The following EML6 variants were observed in gnomAD, a reference collection of about 807,000 sequenced individuals.
EML6 encodes echinoderm microtubule-associated protein-like 6.
Under a neutral mutation model 240.1 loss-of-function variants are expected in EML6, and 154 were observed. The observed-to-expected ratio is 0.64, with a 90% CI of 0.56 to 0.73. The LOEUF (loss-of-function observed/expected upper bound fraction) is 0.73. Among genes scored for constraint, EML6 ranks in the 30% least tolerant of loss-of-function variants. The pLI is 0.00. For missense variants in EML6, 2,964 were observed against 2,474.6 expected (o/e 1.20, Z -4.20); for synonymous variants, 1,148 against 899.0 (o/e 1.28, Z -4.95).
At chr2:54,950,243 C>T (rs547194178) in intron 29 of EML6, among the ~76,000 whole-genome samples, 5 of 152,200 alleles carry the variant, frequency 3.3e-5, no homozygotes, top group African/African-American at 9.7e-5. Flanking sequence ...CTCTACCCAC[C>T]CTGGTCACAT....
chr2:54,777,849 G>A (rs755702839), intron 2 of EML6, among the ~76,000 whole-genome samples: 14 of 152,156 alleles, frequency 9.2e-5, no homozygotes, highest in Non-Finnish European at 2.1e-4. Flanking sequence ...TTGAGAATAT[G>A]ATTTATTTAT....
intron 28 of EML6, among the ~76,000 whole-genome samples, chr2:54,941,896 C>T (rs1258277550): frequency 6.6e-6 from 1 of 152,230 alleles, no homozygotes; most frequent in Admixed American, 6.5e-5. Flanking sequence ...AAATGCAAGA[C>T]TCCTGTTCTT....
At chr2:54,848,685 T>A (rs1298159131) in intron 9 of EML6, among the ~76,000 whole-genome samples, 2 of 152,210 alleles carry the variant, frequency 1.3e-5, no homozygotes, top group Admixed American at 6.5e-5. Context: ...TTGGAGTTGA[T>A]GAAGCCATCT....
At chr2:54,911,490 C>A (rs1673635677) in intron 25 of EML6, among the ~76,000 whole-genome samples, 1 of 150,170 alleles carries the variant, frequency 6.7e-6, no homozygotes, top group South Asian at 2.1e-4. Context: ...AGTGCAGGGG[C>A]ACCATCTTGG....
At chr2:54,920,221 G>C (rs1674150948) in intron 26 of EML6, among the ~76,000 whole-genome samples, 1 of 151,914 alleles carries the variant, frequency 6.6e-6, no homozygotes, top group Non-Finnish European at 1.5e-5. Context: ...GAATAGAAAA[G>C]ACCAATGAAA....
intron 28 of EML6, among the ~76,000 whole-genome samples, chr2:54,931,899 C>G (rs910907326): frequency 6.6e-6 from 1 of 152,172 alleles, no homozygotes; most frequent in Admixed American, 6.5e-5. Context: ...AGAAAAATGC[C>G]TTGAAGGTAG....
At chr2:54,934,288 C>G (rs568304391) in intron 28 of EML6, among the ~76,000 whole-genome samples, 1 of 152,158 alleles carries the variant, frequency 6.6e-6, no homozygotes, top group East Asian at 1.9e-4. Flanking sequence ...CAGTGATGCC[C>G]CTGTATTTTG....
At chr2:54,891,499 G>C (rs530184380) in intron 18 of EML6, among the ~76,000 whole-genome samples, 9 of 152,218 alleles carry the variant, frequency 5.9e-5, no homozygotes, top group South Asian at 4.1e-4. Flanking sequence ...TTATCTATTT[G>C]GATGGTTCCT....
chr2:54,733,775 T>A (rs965318781), intron 2 of EML6, among the ~76,000 whole-genome samples: 2 of 152,154 alleles, frequency 1.3e-5, no homozygotes, highest in African/African-American at 2.4e-5. Context: ...TGCTCTATCA[T>A]GGGTCAGAAT....
At chr2:54,908,211 CTTT>C (rs111418579) in intron 24 of EML6, among the ~76,000 whole-genome samples, 3 of 141,284 alleles carry the variant, frequency 2.1e-5, no homozygotes, top group Non-Finnish European at 3.1e-5. Context: ...CCAGCTTAAA[CTTT>C]TTTTTTTTTT....
chr2:54,830,200 C>T (rs746899164), intron 7 of EML6, among the ~76,000 whole-genome samples: 2 of 152,022 alleles, frequency 1.3e-5, no homozygotes, highest in African/African-American at 4.8e-5. Flanking sequence ...TTTTGGCAGA[C>T]AAAGAATTTA....
chr2:54,914,450 G>A (rs1199958453), intron 25 of EML6, among the ~76,000 whole-genome samples: 1 of 152,216 alleles, frequency 6.6e-6, no homozygotes, highest in Non-Finnish European at 1.5e-5. Flanking sequence ...AAATGGTAGA[G>A]GAGGATGAGG....
rs774222714 is a variant in EML6, at chr2:54,724,157, A to G, written c.-514+380A>G. Among the ~76,000 whole-genome samples the G allele has an allele frequency of 4.0e-5, 6 of 151,652 alleles. No individual in the cohort carries two copies. Among genetic ancestry groups the G allele is most frequent in the Admixed American group, 6.6e-5 (1 of 15,226 alleles). On this transcript the variant is annotated intron_variant, in intron 1 of 41. Transcript: ENST00000356458. The surrounding 1 kb of genome is among the most constrained non-coding windows in gnomAD (Gnocchi z 5.2). ...TGCCTCGTTTCTTCCGAGTAAGACA[A>G]TCTTTCATGATGCGGATTGGAGTTG... is the stretch of plus-strand genomic sequence containing the variant.
At chr2:54,874,205 C>A (rs1340136313) in intron 16 of EML6, among the ~76,000 whole-genome samples, 1 of 152,156 alleles carries the variant, frequency 6.6e-6, no homozygotes, top group African/African-American at 2.4e-5. Context: ...AGTAATGTGG[C>A]CTCTTCATTT....
intron 2 of EML6, among the ~76,000 whole-genome samples, chr2:54,798,748 C>G (rs1184435263): frequency 1.3e-5 from 2 of 152,128 alleles, no homozygotes; most frequent in African/African-American, 2.4e-5. Flanking sequence ...GACAGTTTTA[C>G]TACTTATTTT....
In EML6 at chr2:54,724,960, C is replaced by T; in HGVS notation, c.-102C>T. The T allele has an allele frequency of 6.9e-6, 7 of 1,014,116 alleles. No individual in the cohort carries two copies. The highest frequency in any genetic ancestry group is 8.9e-6 in the Non-Finnish European group (7 of 789,420). 62.8% of individuals were successfully genotyped at this position (1,014,116 alleles called of 1,614,324 possible). On this transcript the variant is annotated 5_prime_UTR_variant, in exon 2 of 42. Transcript: ENST00000356458. The surrounding 1 kb of genome is among the most constrained non-coding windows in gnomAD (Gnocchi z 5.2). ...GTGTGTCGCCGCGGAAATCAGCGCC[C>T]TGCGCCGCGCGCTGAGCCCCTGCAG...
intron 29 of EML6, among the ~76,000 whole-genome samples, 200 bp from the exon 30 acceptor site, chr2:54,950,450 C>T (rs151125313): frequency 9.1e-4 from 138 of 152,338 alleles, no homozygotes; most frequent in African/African-American, 3.1e-3. Context: ...ACTGCCACCC[C>T]AGCATTTCAG....
At chr2:54,924,552 T>A (rs897338833) in intron 26 of EML6, among the ~76,000 whole-genome samples, 12 of 152,236 alleles carry the variant, frequency 7.9e-5, no homozygotes, top group East Asian at 7.7e-4. Context: ...CTTATTTTTT[T>A]TTAAAAAAAT....
chr2:54,971,328 AGCTGACCAGTGACTACAGGATGTG>A lies in EML6; in HGVS notation c.*1240_*1263del, dbSNP rs1677001926. The A allele has an allele frequency of 6.6e-6, 1 of 152,228 alleles. No individual in the cohort carries two copies. The highest frequency in any genetic ancestry group is 1.5e-5 in the Non-Finnish European group (1 of 68,050). The allele number at this position is 152,228 out of a possible 1,614,324, so 9.4% of individuals were successfully genotyped here. On this transcript the variant is annotated 3_prime_UTR_variant, in exon 42 of 42. Coordinates refer to ENST00000356458, the MANE Select transcript of EML6 (RefSeq NM_001039753.4). ...AGCCCCTCAGTCACACTTTCCATGTAGCTGACCAGTGACTACAGGATGTGGCTGACAGTGCTCACTGAAAGGAGA... is the reference window on the plus strand; with the variant it reads ...AGCCCCTCAGTCACACTTTCCATGTAGCTGACAGTGCTCACTGAAAGGAGA...
Sources: allele counts gnomAD v4.1 joint callset (sites outside exome capture counted in the v4.1 genomes callset), GRCh38; gene constraint gnomAD v4.1.1; non-coding constraint Gnocchi (gnomAD v3.1); transcripts MANE v1.5; gene names NCBI Gene and HGNC (gene_info 2026-07-23, HGNC 2026-07-21).